CLEC16A: variants seen among roughly 807,000 people sequenced by gnomAD.
CLEC16A encodes the protein protein CLEC16A.
CLEC16A carries 51 observed loss-of-function variants against 109.5 expected under a neutral mutation model. That is an observed-to-expected ratio of 0.47 (90% CI 0.37 to 0.59). The LOEUF is 0.59. CLEC16A is among the 20% of genes least tolerant of loss of function. The pLI is 0.00. For synonymous variants in CLEC16A, 673 were observed against 564.2 expected (o/e 1.19, Z -2.73); for missense variants, 1,339 against 1,394.0 (o/e 0.96, Z 0.63).
chr16:11,005,985 A>G (rs769192914), intron 11 of CLEC16A, among the ~76,000 whole-genome samples: 2 of 151,818 alleles, frequency 1.3e-5, no homozygotes, highest in Non-Finnish European at 2.9e-5. Context: ...TTTTAAGTGA[A>G]GATACGTTGA....
chr16:11,047,187 A>G (rs1164775289), intron 16 of CLEC16A, 105 bp from the exon 17 acceptor site: 4 of 776,434 alleles, frequency 5.2e-6, no homozygotes, highest in Non-Finnish European at 7.8e-6. Flanking sequence ...CTCACTAATG[A>G]GAAACAGATG....
At chr16:10,998,233 G>A (rs1292543070) in intron 10 of CLEC16A, among the ~76,000 whole-genome samples, 1 of 152,220 alleles carries the variant, frequency 6.6e-6, no homozygotes, top group Non-Finnish European at 1.5e-5. Context: ...GACGCTTAGG[G>A]AGTAGTTAGG....
chr16:11,125,873 T>G, intron 21 of CLEC16A, 106 bp from the exon 22 acceptor site: 1 of 929,082 alleles, frequency 1.1e-6, no homozygotes, highest in South Asian at 1.5e-5. Context: ...TCCCAAGTGA[T>G]GTGCCTGGCA....
In CLEC16A at chr16:11,181,624, C is replaced by T. The variant is rs1024620106; in HGVS notation, c.*2934C>T. ...AGGTCAGATGGGGCCAGCTGAGGCG[C>T]TCCCCCAGGCAGGAAGGGCCAGCCT... On this transcript the variant is annotated 3_prime_UTR_variant, in exon 24 of 24. Transcript: ENST00000409790. 1 of 152,336 alleles carries T rather than the reference C, an allele frequency of 6.6e-6. No homozygotes were observed. Among genetic ancestry groups the T allele is most frequent in the Non-Finnish European group, 1.5e-5 (1 of 68,104 alleles). 9.4% of individuals were successfully genotyped at this position (152,336 alleles called of 1,614,324 possible).
rs200231041 is a variant in CLEC16A, at chr16:11,058,524, C to CTT, written c.1996-2368_1996-2367dup. Among the ~76,000 whole-genome samples, 85 of 146,890 alleles carry CTT rather than the reference C, an allele frequency of 5.8e-4. 1 individual carries two copies. Among genetic ancestry groups the CTT allele is most frequent in the African/African-American group, 1.6e-3 (63 of 40,332 alleles). ...GTACAAGTTGAGTACAGATGCAACCCTTTTTTTTTTTAATATTTTTGATCT... is the reference window on the plus strand; with the variant it reads ...GTACAAGTTGAGTACAGATGCAACCCTTTTTTTTTTTTTAATATTTTTGATCT... On this transcript the variant is annotated intron_variant, in intron 18 of 23. Transcript: ENST00000409790.
chr16:11,098,150 G>A (rs569123359), intron 19 of CLEC16A, among the ~76,000 whole-genome samples: 10 of 152,362 alleles, frequency 6.6e-5, no homozygotes, highest in East Asian at 5.8e-4. Flanking sequence ...GGGAGCCACC[G>A]CTCTAGGGAT....
chr16:11,074,153 C>CT (rs71406207), intron 19 of CLEC16A, among the ~76,000 whole-genome samples: 24 of 151,912 alleles, frequency 1.6e-4, no homozygotes, highest in Non-Finnish European at 2.8e-4. Flanking sequence ...CTTTTCTTCT[C>CT]TTTTTTTTCT....
At chr16:10,968,734 A>G (rs13337016) in intron 3 of CLEC16A, among the ~76,000 whole-genome samples, 10,855 of 152,102 alleles carry the variant, frequency 0.071, 1,366 homozygotes, top group African/African-American at 0.25. Context: ...TATAAGGAGG[A>G]AAAAAACCCT....
At chr16:11,036,544 CTTTTTTTTTTT>C (rs71404440) in intron 13 of CLEC16A, among the ~76,000 whole-genome samples, 43,389 of 132,192 alleles carry the variant, frequency 0.33, 6,945 homozygotes, top group South Asian at 0.41. Flanking sequence ...TCTAATTTTC[CTTTTTTTTTTT>C]TTTTTTTTTT....
At chr16:11,165,823 C>A (rs1036017141) in intron 22 of CLEC16A, among the ~76,000 whole-genome samples, 3 of 152,182 alleles carry the variant, frequency 2.0e-5, no homozygotes. Flanking sequence ...ACCATCATCA[C>A]TAGCTCTTTG....
intron 11 of CLEC16A, among the ~76,000 whole-genome samples, chr16:11,009,746 C>G (rs2045285054): frequency 6.6e-6 from 1 of 152,214 alleles, no homozygotes; most frequent in South Asian, 2.1e-4. Context: ...GGGGCAGAGA[C>G]TAATGCCTTG....
intron 21 of CLEC16A, 55 bp downstream of exon 21, chr16:11,124,001 G>A: frequency 6.6e-7 from 1 of 1,504,478 alleles, no homozygotes; most frequent in Non-Finnish European, 9.0e-7. Flanking sequence ...GGTCAGGGCT[G>A]TTTGTAGTTC....
intron 17 of CLEC16A, among the ~76,000 whole-genome samples, chr16:11,048,927 C>G (rs1388820518): frequency 3.9e-5 from 6 of 151,982 alleles, no homozygotes; most frequent in Non-Finnish European, 8.8e-5. Flanking sequence ...TGTGGGAAAG[C>G]TTGAGCTCTT....
chr16:11,144,687 A>G (rs753752873), intron 22 of CLEC16A, among the ~76,000 whole-genome samples: 2 of 152,198 alleles, frequency 1.3e-5, no homozygotes, highest in African/African-American at 4.8e-5. Context: ...GAAAAGCCCA[A>G]CATCCAGGCC....
At chr16:10,959,014 GGTGTGT>G (rs59658260) in intron 2 of CLEC16A, among the ~76,000 whole-genome samples, 1,744 of 146,282 alleles carry the variant, frequency 0.012, 28 homozygotes, top group African/African-American at 0.032. Context: ...ACTAAACACG[GGTGTGT>G]GTGTGTGTGT....
At chr16:10,973,111 G>A (rs540131634) in intron 7 of CLEC16A, 50 bp downstream of exon 7, 4 of 1,542,650 alleles carry the variant, frequency 2.6e-6, no homozygotes, top group South Asian at 2.4e-5. Flanking sequence ...GTGGTTAGGG[G>A]AGAATTCTGT....
At chr16:10,950,402 CT>C (rs776085032) in intron 1 of CLEC16A, among the ~76,000 whole-genome samples, 31 of 152,200 alleles carry the variant, frequency 2.0e-4, no homozygotes, top group Non-Finnish European at 4.0e-4. Flanking sequence ...CCAACAACTG[CT>C]TGTTCTCCCC....
At chr16:10,972,114 CT>C (rs1361367405) in intron 5 of CLEC16A, among the ~76,000 whole-genome samples, 1 of 152,158 alleles carries the variant, frequency 6.6e-6, no homozygotes, top group Non-Finnish European at 1.5e-5. Context: ...TTTTAACTGG[CT>C]TAGTTTTTGA....
Position 11,120,678 on chromosome 16 carries a change from T to C in CLEC16A, c.2180T>C (p.Leu727Pro). Residue 727 changes from leucine to proline, a missense_variant, in exon 20 of 24, where the codon CTG becomes CCG. Physicochemically the swap from Leu to Pro is moderately conservative, Grantham distance 98 (BLOSUM62 -3). Transcript: ENST00000409790. ...TKDGGMVQRF[L>P]AVDIYQMSLV... Reference sequence around the variant, plus strand: ...GATGGCGGCATGGTCCAGCGATTCCTGGCTGTGGATATTTACCAGATGAGT... The same window carrying C: ...GATGGCGGCATGGTCCAGCGATTCCCGGCTGTGGATATTTACCAGATGAGT... 6.2e-7 allele frequency: 1 copy of C among 1,612,860 alleles called. No individual in the cohort carries two copies. Among genetic ancestry groups the C allele is most frequent in the Non-Finnish European group, 8.5e-7 (1 of 1,179,462 alleles).
Sources: allele counts gnomAD v4.1 joint callset (sites outside exome capture counted in the v4.1 genomes callset), GRCh38; gene constraint gnomAD v4.1.1; transcripts MANE v1.5; gene names NCBI Gene and HGNC (gene_info 2026-07-23, HGNC 2026-07-21).